EGFL7: variants seen among roughly 807,000 people sequenced by gnomAD.
The protein encoded by EGFL7 is EGF like domain multiple 7, also known as epidermal growth factor-like protein 7.
A neutral mutation model predicts 37.1 loss-of-function variants in EGFL7; 48 were observed. The observed-to-expected ratio is 1.29, with a 90% CI of 1.03 to 1.65. The LOEUF (loss-of-function observed/expected upper bound fraction) is 1.65. Among genes scored for constraint, EGFL7 ranks in the 40% most tolerant of loss-of-function variants. EGFL7 has a pLI of 0.00. For missense variants in EGFL7, 384 were observed against 378.9 expected (o/e 1.01, Z -0.11); for synonymous variants, 180 against 156.8 (o/e 1.15, Z -1.10).
At position 136,669,385 on chromosome 9, in the gene EGFL7, T is replaced by C. The variant is rs116948261; in HGVS notation, c.198-221T>C. Reference sequence around the variant, plus strand: ...GCCACTGCCTCTGCTCCATGCGGAGTGTGGCTGGGCCTTCCTGCTGTGGCT... The same window carrying C: ...GCCACTGCCTCTGCTCCATGCGGAGCGTGGCTGGGCCTTCCTGCTGTGGCT... On this transcript the variant is annotated intron_variant, in intron 5 of 10. Coordinates refer to ENST00000308874, the MANE Select transcript of EGFL7 (RefSeq NM_016215.5). Among the ~76,000 whole-genome samples, 345 of 152,082 alleles carry C rather than the reference T, an allele frequency of 2.3e-3. 2 individuals are homozygous for C. The East Asian group carries it at 0.024, about 11-fold the overall frequency.
intron 3 of EGFL7, among the ~76,000 whole-genome samples, chr9:136,667,341 G>A (rs754943467): frequency 8.5e-5 from 13 of 152,234 alleles, no homozygotes; most frequent in Admixed American, 3.9e-4. Context: ...GGAAGCACCC[G>A]TGAGAGGCCC....
chr9:136,668,408 A>AGCCCTCAGCACCTCCTAGAGGCG (rs751795505), intron 4 of EGFL7, 46 bp downstream of exon 4: 3 of 1,533,268 alleles, frequency 2.0e-6, no homozygotes, highest in African/African-American at 1.4e-5. Flanking sequence ...GGGGACCGGG[A>AGCCCTCAGCACCTCCTAGAGGCG]GCCCTCAGCA....
chr9:136,670,553 C>G (rs753351135), intron 8 of EGFL7: 1 of 794,176 alleles, frequency 1.3e-6, no homozygotes, highest in Non-Finnish European at 2.3e-6. Context: ...TGCCCCGTCC[C>G]GGGGTCCTGT....
chr9:136,667,540 G>A (rs1222975865), intron 3 of EGFL7, among the ~76,000 whole-genome samples: 1 of 152,190 alleles, frequency 6.6e-6, no homozygotes, highest in Non-Finnish European at 1.5e-5. Context: ...CGGTTCCGGT[G>A]ACACTGTCGG....
rs920121284 is a variant in EGFL7, at chr9:136,666,488, C to T, written c.-43+1703C>T. Among the ~76,000 whole-genome samples the T allele has an allele frequency of 1.5e-4, 22 of 150,918 alleles. No individual in the cohort carries two copies. The highest frequency in any genetic ancestry group is 5.2e-4 in the African/African-American group (21 of 40,770). On this transcript the variant is annotated intron_variant, in intron 3 of 10. Transcript: ENST00000308874. This position sits in a 1 kb window ranked among gnomAD's most constrained non-coding sequence, Gnocchi z 6.8. ...CGGCACCCCTGGGTCGAGGCCGTGG[C>T]CCCCCCCGGGGAAATGGGGCTTGCA...
At chr9:136,671,861 C>A in intron 9 of EGFL7, 65 bp from the exon 10 acceptor site, 1 of 1,440,726 alleles carries the variant, frequency 6.9e-7, no homozygotes, top group South Asian at 1.4e-5. Flanking sequence ...GGGGTCCTCC[C>A]TAGACCCCGG....
At position 136,672,023 on chromosome 9, in the gene EGFL7, A is replaced by G. The variant is rs1410873498; in HGVS notation, c.734A>G (p.Gln245Arg). 3.9e-6 allele frequency: 6 copies of G among 1,544,652 alleles called. No homozygotes were observed. The highest frequency in any genetic ancestry group is 2.4e-5 in the East Asian group (1 of 40,928). The change falls in exon 10 of 11, where the codon CAG (glutamine) becomes CGG (arginine). Residue 245 changes from glutamine to arginine, a missense_variant. Transcript: ENST00000308874. ...DPGSLLVHSF[Q>R]QLGRIDSLSE... is the part of the protein sequence containing the mutation. ...GGCAGCCTCCTGGTGCACTCCTTCC[A>G]GCAGCTCGGCCGCATCGACTCCCTG...
At chr9:136,664,944 A>G (rs1476382073) in intron 3 of EGFL7, among the ~76,000 whole-genome samples, 159 bp downstream of exon 3, 2 of 152,206 alleles carry the variant, frequency 1.3e-5, no homozygotes, top group South Asian at 2.1e-4. Flanking sequence ...AGCTGTAACA[A>G]TTGTTGTGTG....
chr9:136,669,777 T>C, intron 6 of EGFL7, 56 bp downstream of exon 6: 1 of 1,471,542 alleles, frequency 6.8e-7, no homozygotes. Flanking sequence ...TCCCCAATCT[T>C]CCAGCAACGC....
At chr9:136,665,911 G>A (rs1409008118) in intron 3 of EGFL7, 1 of 146,138 alleles carries the variant, frequency 6.8e-6, no homozygotes, top group African/African-American at 2.4e-5. Flanking sequence ...CCGGGGGCGG[G>A]GAACCTGGCC....
upstream of EGFL7, among the ~76,000 whole-genome samples, chr9:136,661,310 G>C (rs914376139): frequency 6.6e-6 from 1 of 152,080 alleles, no homozygotes; most frequent in Non-Finnish European, 1.5e-5. Flanking sequence ...CAGCTGGAGG[G>C]ACAGGCTGGC....
intron 3 of EGFL7, among the ~76,000 whole-genome samples, chr9:136,665,629 G>A (rs185916526): frequency 0.012 from 1,779 of 151,794 alleles, 35 homozygotes; most frequent in African/African-American, 0.04. Context: ...CCGGGTTCCA[G>A]CAGAGTCACT....
In EGFL7 at chr9:136,671,946, C is replaced by T. The variant is rs902065463; in HGVS notation, c.657C>T (p.Ala219=). 2 of 1,524,126 alleles carry T rather than the reference C, an allele frequency of 1.3e-6. No homozygotes were observed. The highest frequency in any genetic ancestry group is 1.8e-6 in the Non-Finnish European group (2 of 1,138,836). The allele number at this position is 1,524,126 out of a possible 1,614,324, so 94.4% of individuals were successfully genotyped here. ...LLEEKLQLVL[A]PLHSLASQAL... ...CACAGAAGCTGCAGCTGGTGCTGGC[C>T]CCACTGCACAGCCTGGCCTCGCAGG... The change falls in exon 10 of 11, where the codon GCC becomes GCT. Residue 219 remains alanine, a synonymous_variant. Transcript: ENST00000308874.
intron 7 of EGFL7, 29 bp downstream of exon 7, chr9:136,670,038 T>C (rs775077778): frequency 6.3e-7 from 1 of 1,585,828 alleles, no homozygotes; most frequent in South Asian, 1.1e-5. Context: ...TGGGGGGCCC[T>C]GGAAGGGTCC....
intron 8 of EGFL7, 116 bp downstream of exon 8, chr9:136,670,446 C>CCT (rs1485787742): frequency 3.9e-6 from 5 of 1,280,328 alleles, no homozygotes; most frequent in Non-Finnish European, 5.5e-6. Context: ...GTGGGGACTC[C>CCT]CTCTCCAGGG....
chr9:136,668,821 G>A (rs564769516), intron 5 of EGFL7, 148 bp downstream of exon 5: 12 of 742,596 alleles, frequency 1.6e-5, no homozygotes, highest in East Asian at 7.7e-5. Context: ...TGAGATGGGC[G>A]ACCCAGGGCG....
upstream of EGFL7, among the ~76,000 whole-genome samples, chr9:136,661,497 G>C (rs1238777684): frequency 6.6e-6 from 1 of 152,146 alleles, no homozygotes; most frequent in African/African-American, 2.4e-5. Flanking sequence ...CCTCTGGAAA[G>C]AGGCCCCTCC....
At chr9:136,671,662 C>T (rs1845913011) in intron 9 of EGFL7, among the ~76,000 whole-genome samples, 1 of 152,020 alleles carries the variant, frequency 6.6e-6, no homozygotes, top group Admixed American at 6.5e-5. Context: ...GCCAGTCTTC[C>T]CACTGGCCAG....
intron 4 of EGFL7, 65 bp from the exon 5 acceptor site, chr9:136,668,492 A>G: frequency 1.3e-6 from 2 of 1,563,852 alleles, no homozygotes; most frequent in Non-Finnish European, 1.7e-6. Flanking sequence ...CCCCGGCCAC[A>G]TGTTCCCATC....
Sources: allele counts gnomAD v4.1 joint callset (sites outside exome capture counted in the v4.1 genomes callset), GRCh38; gene constraint gnomAD v4.1.1; non-coding constraint Gnocchi (gnomAD v3.1); transcripts MANE v1.5; gene names NCBI Gene and HGNC (gene_info 2026-07-23, HGNC 2026-07-21).